The following OCIAD1 variants were observed in gnomAD, a reference collection of about 807,000 sequenced individuals.
OCIAD1 encodes OCIA domain containing 1, also known as OCIA domain-containing protein 1.
OCIAD1 carries 29 observed loss-of-function variants against 38.9 expected under a neutral mutation model. The ratio of observed to expected loss-of-function variants is 0.74; its 90% CI spans 0.55 to 1.02. The LOEUF (loss-of-function observed/expected upper bound fraction) is 1.02, where lower values mean the gene tolerates loss of function less well. OCIAD1 is among the 50% of genes least tolerant of loss of function. The pLI, the probability that OCIAD1 is intolerant of heterozygous loss-of-function variation, is 0.00. For synonymous variants in OCIAD1, 110 were observed against 92.0 expected (o/e 1.20, Z -1.12); for missense variants, 288 against 289.6 (o/e 0.99, Z 0.04).
chr4:48,852,607 TGTA>T (rs1430985569), intron 7 of OCIAD1: 1 of 152,230 alleles, frequency 6.6e-6, no homozygotes, highest in Non-Finnish European at 1.5e-5. Context: ...ATTATAATAA[TGTA>T]GTAATATTAT....
intron 4 of OCIAD1, 53 bp downstream of exon 4, chr4:48,842,742 T>G: frequency 1.0e-6 from 1 of 979,914 alleles, no homozygotes; most frequent in East Asian, 2.6e-5. Flanking sequence ...ATGTTTGTTT[T>G]GTGGTATTTT....
intron 1 of OCIAD1, among the ~76,000 whole-genome samples, chr4:48,825,178 A>G (rs1777236715): frequency 6.6e-6 from 1 of 152,222 alleles, no homozygotes; most frequent in South Asian, 2.1e-4. Context: ...TAATGTGAAG[A>G]CTGAGATATG....
intron 3 of OCIAD1, among the ~76,000 whole-genome samples, chr4:48,836,026 A>T (rs1777946881): frequency 6.6e-6 from 1 of 152,158 alleles, no homozygotes; most frequent in Non-Finnish European, 1.5e-5. Flanking sequence ...AATGAGTTAA[A>T]GGTTTGATCC....
chr4:48,833,607 G>A, intron 3 of OCIAD1, 126 bp downstream of exon 3: 1 of 605,346 alleles, frequency 1.7e-6, no homozygotes, highest in South Asian at 2.2e-5. Context: ...TGCATAGTGT[G>A]GTTGTTGTTA....
At chr4:48,854,151 G>T (rs1779790871) in intron 7 of OCIAD1, among the ~76,000 whole-genome samples, 1 of 152,048 alleles carries the variant, frequency 6.6e-6, no homozygotes, top group Non-Finnish European at 1.5e-5. Context: ...TTATCCATGG[G>T]GGATAAGTTC....
chr4:48,841,524 T>C (rs1339592171), intron 3 of OCIAD1, among the ~76,000 whole-genome samples: 1 of 152,160 alleles, frequency 6.6e-6, no homozygotes, highest in African/African-American at 2.4e-5. Flanking sequence ...ACAGTTTTTA[T>C]TGGGGGCTGG....
chr4:48,836,507 A>G (rs758943107), intron 3 of OCIAD1, among the ~76,000 whole-genome samples: 1 of 152,238 alleles, frequency 6.6e-6, no homozygotes, highest in Non-Finnish European at 1.5e-5. Context: ...AAAAGCATAC[A>G]TGAAAAATTA....
chr4:48,851,765 A>T lies in OCIAD1; in HGVS notation c.378-41A>T, dbSNP rs781286068. On this transcript the variant is annotated intron_variant, in intron 6 of 8. Transcript: ENST00000264312. ...TTAACACTTCTTTAAGATATAGGCA[A>T]TGACTCATATTTCTTACTACAATAT... The T allele has an allele frequency of 1.6e-5, 19 of 1,161,322 alleles. No individual in the cohort carries two copies. The South Asian group carries it at 2.3e-4, about 14-fold the overall frequency. The allele number at this position is 1,161,322 out of a possible 1,614,324, so 71.9% of individuals were successfully genotyped here.
At chr4:48,848,477 G>C (rs779105045) in intron 5 of OCIAD1, 31 bp downstream of exon 5, 14 of 1,134,786 alleles carry the variant, frequency 1.2e-5, no homozygotes, top group Non-Finnish European at 1.8e-5. Context: ...AGTTTTCATA[G>C]CTTTTTAAAA....
chr4:48,847,135 TG>T (rs1470627352), intron 4 of OCIAD1, among the ~76,000 whole-genome samples: 1 of 152,244 alleles, frequency 6.6e-6, no homozygotes, highest in East Asian at 1.9e-4. Flanking sequence ...TTAGCCATTG[TG>T]GTAAATAAAC....
At chr4:48,820,954 C>T (rs551451175) in intron 1 of OCIAD1, among the ~76,000 whole-genome samples, 3 of 152,220 alleles carry the variant, frequency 2.0e-5, no homozygotes, top group African/African-American at 4.8e-5. Flanking sequence ...AATTCACAGC[C>T]GAATTCTACC....
chr4:48,829,630 G>A (rs1777326526), upstream of OCIAD1, among the ~76,000 whole-genome samples: 1 of 152,182 alleles, frequency 6.6e-6, no homozygotes, highest in Non-Finnish European at 1.5e-5. Context: ...CTCTGATGTG[G>A]TGACATCAAC....
chr4:48,825,029 GC>G (rs1777234567), intron 1 of OCIAD1, among the ~76,000 whole-genome samples: 2 of 152,156 alleles, frequency 1.3e-5, no homozygotes, highest in Admixed American at 6.5e-5. Context: ...GAGCCACTGC[GC>G]CTGGCTGGAG....
Position 48,860,913 on chromosome 4 carries a change from TA to T in OCIAD1, c.*158del. 1.5e-6 allele frequency: 1 copy of T among 657,246 alleles called. No individual in the cohort carries two copies. 40.7% of individuals were successfully genotyped at this position (657,246 alleles called of 1,614,324 possible). A position where few individuals can be genotyped will look rare whatever the true frequency, so the allele number is the denominator to read the frequency against. On this transcript the variant is annotated 3_prime_UTR_variant, in exon 9 of 9. Transcript: ENST00000264312. ...TTGTGGTTTGACTTCTATGGTGTTT[TA>T]AAAAAACACAGATTTTTAGTGTTAA...
chr4:48,814,239 G>GTT (rs530042723), intron 1 of OCIAD1, among the ~76,000 whole-genome samples: 3 of 139,202 alleles, frequency 2.2e-5, no homozygotes, highest in Non-Finnish European at 3.1e-5. Context: ...CTGTGGAGGG[G>GTT]TTTTTTTTTT....
At chr4:48,839,171 C>T (rs926383162) in intron 3 of OCIAD1, among the ~76,000 whole-genome samples, 12 of 152,110 alleles carry the variant, frequency 7.9e-5, no homozygotes, top group Non-Finnish European at 1.5e-4. Context: ...CATGGTGGCT[C>T]ACACCTGTAA....
intron 7 of OCIAD1, among the ~76,000 whole-genome samples, chr4:48,853,557 T>C (rs1265052024): frequency 2.0e-5 from 3 of 151,826 alleles, no homozygotes; most frequent in Non-Finnish European, 4.4e-5. Flanking sequence ...GGGTATACAG[T>C]GGAAAGGGAG....
upstream of OCIAD1, among the ~76,000 whole-genome samples, chr4:48,827,502 G>A (rs550810231): frequency 6.6e-6 from 1 of 152,228 alleles, no homozygotes; most frequent in South Asian, 2.1e-4. Context: ...AATGTGTATC[G>A]ACTTCCCGCA....
chr4:48,842,581 T>G (rs1778635827), intron 3 of OCIAD1, 55 bp from the exon 4 acceptor site: 1 of 1,157,658 alleles, frequency 8.6e-7, no homozygotes, highest in Non-Finnish European at 1.3e-6. Flanking sequence ...CTAATGAACT[T>G]TAGACAAAAT....
Sources: allele counts gnomAD v4.1 joint callset (sites outside exome capture counted in the v4.1 genomes callset), GRCh38; gene constraint gnomAD v4.1.1; transcripts MANE v1.5; gene names NCBI Gene and HGNC (gene_info 2026-07-23, HGNC 2026-07-21).